MSRA: variants seen among roughly 807,000 people sequenced by gnomAD.
MSRA encodes mitochondrial peptide methionine sulfoxide reductase.
In MSRA, 54 loss-of-function variants were observed where a neutral mutation model predicts 31.3. The observed-to-expected ratio is 1.73, with a 90% CI of 1.39 to 2.17. The LOEUF is 2.17. MSRA is among the 30% of genes most tolerant of loss of function. The pLI, the probability that MSRA is intolerant of heterozygous loss-of-function variation, is 0.00. For synonymous variants in MSRA, 169 were observed against 116.5 expected, an observed-to-expected ratio of 1.45 and a Z score of -2.90; for missense variants, 507 against 300.9, an observed-to-expected ratio of 1.69 and a Z score of -5.07.
chr8:10,334,598 G>T (rs1385958902), intron 5 of MSRA, among the ~76,000 whole-genome samples: 1 of 152,188 alleles, frequency 6.6e-6, no homozygotes, highest in Non-Finnish European at 1.5e-5. Flanking sequence ...ACGGCCGCGG[G>T]ACGCCCGCTT....
intron 5 of MSRA, among the ~76,000 whole-genome samples, chr8:10,396,026 C>T (rs1001368469): frequency 5.3e-5 from 8 of 152,172 alleles, no homozygotes; most frequent in African/African-American, 1.2e-4. Context: ...TGGAATTGCC[C>T]ATCTCTAAGG....
At chr8:10,309,859 T>G (rs1046189754) in intron 4 of MSRA, among the ~76,000 whole-genome samples, 2 of 152,106 alleles carry the variant, frequency 1.3e-5, no homozygotes, top group Non-Finnish European at 2.9e-5. Context: ...TCCCAGGGAA[T>G]CGGGTGGGAT....
intron 1 of MSRA, among the ~76,000 whole-genome samples, chr8:10,123,381 T>C (rs1801266297): frequency 6.6e-6 from 1 of 152,244 alleles, no homozygotes; most frequent in African/African-American, 2.4e-5. Flanking sequence ...TTTTGTTTTT[T>C]CTTATAAATT....
intron 1 of MSRA, among the ~76,000 whole-genome samples, chr8:10,206,772 A>G (rs1320919915): frequency 1.3e-5 from 2 of 152,230 alleles, no homozygotes; most frequent in Non-Finnish European, 2.9e-5. Flanking sequence ...GCACTCCTGC[A>G]GAACCCTCCG....
rs1035130991 is a variant in MSRA at position 10,329,338 on chromosome 8, G to A, written c.543+9349G>A. On this transcript the variant is annotated intron_variant, in intron 5 of 5. Transcript: ENST00000317173. ...AGAATCCCTCCCCGGATCTTCCAGCGTCTGGTGGGTGCCACCATGCATGGC... is the reference window on the plus strand; with the variant it reads ...AGAATCCCTCCCCGGATCTTCCAGCATCTGGTGGGTGCCACCATGCATGGC... Among the ~76,000 whole-genome samples the A allele has an allele frequency of 7.9e-5, 12 of 152,148 alleles. No individual in the cohort carries two copies. The South Asian group carries it at 1.2e-3, about 16-fold the overall frequency.
chr8:10,107,133 G>T (rs991470459), intron 1 of MSRA, among the ~76,000 whole-genome samples: 2 of 152,254 alleles, frequency 1.3e-5, no homozygotes, highest in Non-Finnish European at 2.9e-5. Context: ...GTGGCCAAGC[G>T]CAGTGACTGT....
intron 4 of MSRA, among the ~76,000 whole-genome samples, chr8:10,305,927 CT>C (rs749857018): frequency 6.6e-6 from 1 of 152,236 alleles, no homozygotes; most frequent in African/African-American, 2.4e-5. Context: ...ATAGTCTTTT[CT>C]TTTAATTTAC....
chr8:10,407,687 G>C (rs1318915294), intron 5 of MSRA, among the ~76,000 whole-genome samples: 1 of 152,162 alleles, frequency 6.6e-6, no homozygotes, highest in Non-Finnish European at 1.5e-5. Flanking sequence ...CTGTAGGCAA[G>C]AGAAGAGAAG....
chr8:10,249,838 C>T (rs1797825732), intron 3 of MSRA, among the ~76,000 whole-genome samples: 2 of 152,198 alleles, frequency 1.3e-5, no homozygotes, highest in Non-Finnish European at 2.9e-5. Flanking sequence ...TTCCTACAAG[C>T]TCAGCATCTG....
At chr8:10,193,562 G>A (rs138785835) in intron 1 of MSRA, among the ~76,000 whole-genome samples, 136 of 152,252 alleles carry the variant, frequency 8.9e-4, no homozygotes, top group African/African-American at 2.9e-3. Context: ...AGTGAAGTCA[G>A]GCACCCAGCA....
intron 5 of MSRA, among the ~76,000 whole-genome samples, chr8:10,357,120 C>T (rs758990943): frequency 7.2e-5 from 11 of 152,156 alleles, no homozygotes; most frequent in African/African-American, 2.4e-4. Context: ...TGCTTTTCAT[C>T]GGCAAACCTA....
chr8:10,218,114 CTATTTATTTATT>C (rs371596796), intron 2 of MSRA, among the ~76,000 whole-genome samples: 6,695 of 138,748 alleles, frequency 0.048, 391 homozygotes, highest in East Asian at 0.14. Flanking sequence ...GGTTCCTTTT[CTATTTATTTATT>C]TATTTATTTA....
At chr8:10,358,840 C>A (rs1159229941) in intron 5 of MSRA, among the ~76,000 whole-genome samples, 1 of 148,918 alleles carries the variant, frequency 6.7e-6, no homozygotes, top group Non-Finnish European at 1.5e-5. Flanking sequence ...GATCCGCCCG[C>A]CTCGGCCTCC....
intron 3 of MSRA, among the ~76,000 whole-genome samples, chr8:10,285,243 C>G (rs1799871598): frequency 1.3e-5 from 2 of 152,194 alleles, no homozygotes; most frequent in South Asian, 4.1e-4. Context: ...AGCCACCCTT[C>G]CCAATCTTAC....
At chr8:10,410,478 G>T (rs1242616976) in intron 5 of MSRA, among the ~76,000 whole-genome samples, 11 of 152,212 alleles carry the variant, frequency 7.2e-5, no homozygotes, top group Admixed American at 7.2e-4. Context: ...ACAGTTTAGA[G>T]CAGTGCTCCT....
intron 5 of MSRA, chr8:10,411,648 G>C (rs553536212): frequency 1.1e-4 from 16 of 152,220 alleles, no homozygotes; most frequent in Non-Finnish European, 2.4e-4. Flanking sequence ...GCAAGAGAAA[G>C]TCTCAAGGGA....
chr8:10,299,203 C>T (rs991576550), intron 3 of MSRA, among the ~76,000 whole-genome samples: 1 of 151,926 alleles, frequency 6.6e-6, no homozygotes, highest in African/African-American at 2.4e-5. Context: ...GGAAGAAATA[C>T]ATGTAAATTG....
intron 1 of MSRA, among the ~76,000 whole-genome samples, chr8:10,194,992 A>G (rs537465681): frequency 1.2e-4 from 18 of 152,358 alleles, no homozygotes; most frequent in Middle Eastern, 3.4e-3. Context: ...ATGCAGTACT[A>G]TTCTCCTGCA....
chr8:10,063,910 G>C (rs1018230920), intron 1 of MSRA, among the ~76,000 whole-genome samples: 3 of 152,220 alleles, frequency 2.0e-5, no homozygotes, highest in Admixed American at 1.3e-4. Flanking sequence ...ACATCTTGGG[G>C]CTTTCAAGGC....
Sources: allele counts gnomAD v4.1 joint callset (sites outside exome capture counted in the v4.1 genomes callset), GRCh38; gene constraint gnomAD v4.1.1; transcripts MANE v1.5; gene names NCBI Gene and HGNC (gene_info 2026-07-23, HGNC 2026-07-21).